LRRN1: variants seen among roughly 807,000 people sequenced by gnomAD.
The protein encoded by LRRN1 is leucine-rich repeat neuronal protein 1.
In LRRN1, 14 loss-of-function variants were observed where a neutral mutation model predicts 45.8. The observed-to-expected ratio is 0.31, with a 90% CI of 0.20 to 0.48. The LOEUF (loss-of-function observed/expected upper bound fraction) is 0.48. Among genes scored for constraint, LRRN1 ranks in the 20% least tolerant of loss-of-function variants. The pLI, the probability that LRRN1 is intolerant of heterozygous loss-of-function variation, is 0.99. For missense variants in LRRN1, 789 were observed against 874.2 expected, an observed-to-expected ratio of 0.90 and a Z score of 1.23; for synonymous variants, 359 against 330.1, an observed-to-expected ratio of 1.09 and a Z score of -0.95.
At chr3:3,820,496 A>G (rs371704689) in intron 1 of LRRN1, among the ~76,000 whole-genome samples, 14 of 152,340 alleles carry the variant, frequency 9.2e-5, no homozygotes, top group African/African-American at 3.4e-4. Flanking sequence ...TTATTCAAAT[A>G]CAATAAATAA....
intron 1 of LRRN1, among the ~76,000 whole-genome samples, chr3:3,830,149 G>A (rs1029580257): frequency 7.2e-5 from 11 of 152,142 alleles, no homozygotes; most frequent in Non-Finnish European, 1.2e-4. Context: ...TCCACGGAAT[G>A]GGTCATCCTA....
intron 1 of LRRN1, among the ~76,000 whole-genome samples, chr3:3,814,783 G>A (rs887578883): frequency 4.6e-5 from 7 of 152,194 alleles, no homozygotes; most frequent in Middle Eastern, 6.8e-3. Flanking sequence ...CAGAAAGAAG[G>A]CACCATCTTC....
chr3:3,814,580 T>C (rs1692949789), intron 1 of LRRN1, among the ~76,000 whole-genome samples: 1 of 152,146 alleles, frequency 6.6e-6, no homozygotes. Flanking sequence ...AAGGTGATGG[T>C]ATTAAGAAGT....
At chr3:3,822,159 A>T (rs1693117782) in intron 1 of LRRN1, among the ~76,000 whole-genome samples, 1 of 152,222 alleles carries the variant, frequency 6.6e-6, no homozygotes, top group African/African-American at 2.4e-5. Flanking sequence ...ACCCATAAAA[A>T]TAGGAACATG....
chr3:3,826,501 G>A (rs957540478), intron 1 of LRRN1, among the ~76,000 whole-genome samples: 2 of 152,140 alleles, frequency 1.3e-5, no homozygotes, highest in African/African-American at 2.4e-5. Flanking sequence ...TGGCCGCCCT[G>A]CTTGGTGATG....
At chr3:3,822,263 GAACT>G (rs1343803712) in intron 1 of LRRN1, among the ~76,000 whole-genome samples, 3 of 152,092 alleles carry the variant, frequency 2.0e-5, no homozygotes, top group African/African-American at 7.2e-5. Context: ...AGCTTAATAA[GAACT>G]AACTGCTGTT....
At position 3,846,393 on chromosome 3, in the gene LRRN1, G is replaced by A. The variant is rs1252453531; in HGVS notation, c.1752G>A (p.Thr584=). 1.2e-5 allele frequency: 20 copies of A among 1,613,648 alleles called. No individual in the cohort carries two copies. The highest frequency in any genetic ancestry group is 1.4e-5 in the Non-Finnish European group (17 of 1,180,020). The change falls in exon 2 of 2, where the codon ACG becomes ACA. Residue 584 remains threonine (T), a synonymous_variant. Coordinates refer to ENST00000319331, the MANE Select transcript of LRRN1 (RefSeq NM_020873.7). This position sits in a 1 kb window ranked among gnomAD's most constrained non-coding sequence, Gnocchi z 5.7. ...TCGATGTCCATGAATACAACCTAAC[G>A]CATCTGCAGCCTTCCACAGATTATG... ...VPVDVHEYNL[T]HLQPSTDYEV...
intron 1 of LRRN1, among the ~76,000 whole-genome samples, chr3:3,824,490 C>T (rs1051786369): frequency 2.6e-5 from 4 of 151,950 alleles, no homozygotes; most frequent in African/African-American, 9.7e-5. Context: ...AATCAATTTA[C>T]TGCCATGTTA....
chr3:3,849,834 A>G lies in LRRN1; in HGVS notation c.*3042A>G, dbSNP rs951224420. On this transcript the variant is annotated 3_prime_UTR_variant, in exon 2 of 2. Transcript: ENST00000319331. ...AATATCAAAGTGCATATTTTCTCTCATGTGGTTTCTATTTATTCAATCATT... is the reference window on the plus strand; with the variant it reads ...AATATCAAAGTGCATATTTTCTCTCGTGTGGTTTCTATTTATTCAATCATT... Among the ~76,000 whole-genome samples the G allele has an allele frequency of 1.3e-5, 2 of 152,090 alleles. No individual in the cohort carries two copies. Among genetic ancestry groups the G allele is most frequent in the Non-Finnish European group, 2.9e-5 (2 of 68,034 alleles).
At chr3:3,837,889 C>A (rs959392645) in intron 1 of LRRN1, among the ~76,000 whole-genome samples, 1 of 151,964 alleles carries the variant, frequency 6.6e-6, no homozygotes, top group African/African-American at 2.4e-5. Context: ...CTCCCCTCAC[C>A]CCACCACCCA....
intron 1 of LRRN1, among the ~76,000 whole-genome samples, chr3:3,819,115 G>A (rs2106457340): frequency 6.6e-6 from 1 of 152,056 alleles, no homozygotes; most frequent in East Asian, 1.9e-4. Flanking sequence ...AGCCTCCTAA[G>A]TAGGTAGGAC....
At chr3:3,812,476 A>C (rs1692896430) in intron 1 of LRRN1, among the ~76,000 whole-genome samples, 1 of 152,174 alleles carries the variant, frequency 6.6e-6, no homozygotes, top group East Asian at 1.9e-4. Flanking sequence ...CAGGGAGAAG[A>C]CCAGTGTGGC....
At chr3:3,842,980 T>C (rs1693679367) in intron 1 of LRRN1, among the ~76,000 whole-genome samples, 1 of 152,226 alleles carries the variant, frequency 6.6e-6, no homozygotes, top group Non-Finnish European at 1.5e-5. Context: ...ACAAATATCC[T>C]CAGCTTTCCT....
chr3:3,836,525 T>G (rs6803736), intron 1 of LRRN1, among the ~76,000 whole-genome samples: 48,778 of 151,982 alleles, frequency 0.32, 9,026 homozygotes, highest in East Asian at 0.6. Flanking sequence ...TAAAGCTGGA[T>G]AGTATTCCAT....
chr3:3,811,061 C>T (rs1692862117), intron 1 of LRRN1, among the ~76,000 whole-genome samples: 3 of 152,130 alleles, frequency 2.0e-5, no homozygotes, highest in African/African-American at 7.2e-5. Flanking sequence ...TACCACACAG[C>T]TGGTCACCTG....
intron 1 of LRRN1, among the ~76,000 whole-genome samples, chr3:3,827,875 T>C (rs1693258567): frequency 6.6e-6 from 1 of 152,314 alleles, no homozygotes; most frequent in South Asian, 2.1e-4. Flanking sequence ...ATATTTGGTC[T>C]CTGGATTTTA....
At chr3:3,807,317 A>C (rs1011867442) in intron 1 of LRRN1, among the ~76,000 whole-genome samples, 3 of 152,206 alleles carry the variant, frequency 2.0e-5, no homozygotes, top group Non-Finnish European at 4.4e-5. Context: ...GGAAGAATGG[A>C]CTGCCTAGAA....
In LRRN1 at chr3:3,816,924, T is replaced by C. The variant is rs570949630; in HGVS notation, c.-279+17005T>C. Among the ~76,000 whole-genome samples, 2 of 152,298 alleles carry C rather than the reference T, an allele frequency of 1.3e-5. No homozygotes were observed. Among genetic ancestry groups the C allele is most frequent in the Non-Finnish European group, 2.9e-5 (2 of 68,020 alleles). The stretch of plus-strand genomic sequence containing the variant: ...TGACATTACTTGAATTAGTCATGAT[T>C]TGCCAGAGAAAGAGAATGAATAGGA... On this transcript the variant is annotated intron_variant, in intron 1 of 1. Coordinates refer to ENST00000319331, the MANE Select transcript of LRRN1 (RefSeq NM_020873.7). The surrounding 1 kb of genome is among the most constrained non-coding windows in gnomAD (Gnocchi z 4.0).
At chr3:3,832,805 A>G (rs1693399279) in intron 1 of LRRN1, among the ~76,000 whole-genome samples, 1 of 152,180 alleles carries the variant, frequency 6.6e-6, no homozygotes, top group Non-Finnish European at 1.5e-5. Flanking sequence ...CATGTGACCT[A>G]GAAGTTTTCT....
Sources: gnomAD v4.1 joint callset for allele counts (sites outside exome capture counted in the v4.1 genomes callset) on GRCh38, gnomAD v4.1.1 for gene constraint, Gnocchi (gnomAD v3.1) non-coding constraint, MANE v1.5 for transcripts, NCBI Gene and HGNC (gene_info 2026-07-23, HGNC 2026-07-21) for gene names.